Variants in NEK5 observed in about 807,000 individuals in gnomAD.
The protein encoded by NEK5 is NIMA related kinase 5.
Under a neutral mutation model 109.2 loss-of-function variants are expected in NEK5, and 88 were observed. The ratio of observed to expected loss-of-function variants is 0.81; its 90% confidence interval spans 0.68 to 0.96. NEK5 has a LOEUF of 0.96. NEK5 is among the 40% of genes least tolerant of loss of function. The pLI is 0.00. For missense variants in NEK5, 834 were observed against 920.7 expected (o/e 0.91, Z 1.22); for synonymous variants, 283 against 299.9 (o/e 0.94, Z 0.58).
chr13:52,039,819 A>T (rs1056360701), intron 23 of NEK5, among the ~76,000 whole-genome samples: 3 of 152,078 alleles, frequency 2.0e-5, no homozygotes, highest in Non-Finnish European at 2.9e-5. Flanking sequence ...AATTATAAAA[A>T]TTTTTGCTAT....
At chr13:52,117,182 G>C (rs140036807) in intron 4 of NEK5, among the ~76,000 whole-genome samples, 1 of 152,144 alleles carries the variant, frequency 6.6e-6, no homozygotes, top group African/African-American at 2.4e-5. Flanking sequence ...GCCTCCCAGG[G>C]TGCTGGGATT....
intron 14 of NEK5, among the ~76,000 whole-genome samples, chr13:52,087,905 A>T (rs188740571): frequency 6.9e-6 from 1 of 144,478 alleles, no homozygotes; most frequent in Non-Finnish European, 1.5e-5. Context: ...GATTACAGGC[A>T]TGAGCCATCA....
At chr13:52,106,548 C>T (rs1015991066) in intron 8 of NEK5, among the ~76,000 whole-genome samples, 3 of 152,034 alleles carry the variant, frequency 2.0e-5, no homozygotes, top group Admixed American at 1.3e-4. Flanking sequence ...GGCAGATCAC[C>T]TGAGGTCAAG....
chr13:52,064,549 C>T (rs569777288), intron 21 of NEK5, among the ~76,000 whole-genome samples: 1 of 150,810 alleles, frequency 6.6e-6, no homozygotes, highest in African/African-American at 2.4e-5. Flanking sequence ...AGGTGAGGGG[C>T]ACCTCTGCCC....
chr13:52,056,871 C>T (rs1475387368), intron 22 of NEK5, among the ~76,000 whole-genome samples: 2 of 151,872 alleles, frequency 1.3e-5, no homozygotes, highest in African/African-American at 4.8e-5. Context: ...GACACCCTAA[C>T]ATCATAATTA....
intron 3 of NEK5, among the ~76,000 whole-genome samples, chr13:52,124,051 T>A (rs1956020340): frequency 6.6e-6 from 1 of 152,194 alleles, no homozygotes; most frequent in South Asian, 2.1e-4. Flanking sequence ...GGCTAACACC[T>A]GTAATCCCAG....
At chr13:52,085,826 C>T (rs1566774559) in intron 16 of NEK5, among the ~76,000 whole-genome samples, 1 of 152,196 alleles carries the variant, frequency 6.6e-6, no homozygotes, top group Admixed American at 6.5e-5. Flanking sequence ...TTCAACTGCA[C>T]TCAGATTTTG....
intron 20 of NEK5, among the ~76,000 whole-genome samples, chr13:52,066,958 C>A (rs986382944): frequency 6.6e-6 from 1 of 152,140 alleles, no homozygotes; most frequent in Non-Finnish European, 1.5e-5. Context: ...ATTGGCCCAG[C>A]AGCATTTATC....
intron 22 of NEK5, among the ~76,000 whole-genome samples, chr13:52,057,204 T>C (rs1235433391): frequency 2.0e-5 from 3 of 152,040 alleles, no homozygotes; most frequent in African/African-American, 7.2e-5. Flanking sequence ...CTAGAAGACA[T>C]GGATAAATTC....
intron 12 of NEK5, among the ~76,000 whole-genome samples, chr13:52,096,297 T>C (rs1295760658): frequency 6.6e-6 from 1 of 152,072 alleles, no homozygotes; most frequent in African/African-American, 2.4e-5. Flanking sequence ...AACTGGGTAA[T>C]GGGCGGAGGT....
chr13:52,078,367 C>T (rs749292739), intron 17 of NEK5, among the ~76,000 whole-genome samples: 3 of 152,136 alleles, frequency 2.0e-5, no homozygotes, highest in East Asian at 1.9e-4. Context: ...CAACCTACAG[C>T]GACAGAAAGC....
chr13:52,074,933 C>T (rs1456798288), intron 19 of NEK5, among the ~76,000 whole-genome samples: 1 of 152,192 alleles, frequency 6.6e-6, no homozygotes, highest in African/African-American at 2.4e-5. Context: ...GACACCATCT[C>T]ACACGAGTCA....
At position 52,087,344 on chromosome 13, in the gene NEK5, C is replaced by T. The variant is rs1333460590; in HGVS notation, c.1386G>A (p.Lys462=). ...QELPFRKNEM[K]EQEYWKQLEE... ...GAATTAAACAGTTTTTAACCTGTTC[C>T]TTCATTTCGTTTTTCCTAAATGGCA... The change falls in exon 15 of 24, where the codon AAG becomes AAA. Residue 462 remains lysine (K), a synonymous_variant. Coordinates refer to ENST00000684899, the MANE Select transcript of NEK5 (RefSeq NM_001365552.1). The T allele has an allele frequency of 1.3e-6, 2 of 1,518,414 alleles. No individual in the cohort carries two copies. Among genetic ancestry groups the T allele is most frequent in the Non-Finnish European group, 1.8e-6 (2 of 1,093,594 alleles). 94.1% of individuals were successfully genotyped at this position (1,518,414 alleles called of 1,614,324 possible). A position where few individuals can be genotyped will look rare whatever the true frequency, so the allele number is the denominator to read the frequency against.
intron 23 of NEK5, among the ~76,000 whole-genome samples, chr13:52,049,772 T>C (rs1462543900): frequency 6.6e-6 from 1 of 152,210 alleles, no homozygotes; most frequent in African/African-American, 2.4e-5. Context: ...TTGGACAAGC[T>C]TGATATACTG....
chr13:52,071,922 A>G, intron 20 of NEK5, 22 bp downstream of exon 20: 1 of 1,609,818 alleles, frequency 6.2e-7, no homozygotes, highest in Non-Finnish European at 8.5e-7. Flanking sequence ...CTTCTCATTT[A>G]CAACTTTCAA....
At chr13:52,112,514 T>G (rs1257373233) in intron 4 of NEK5, 149 bp from the exon 5 acceptor site, 3 of 537,676 alleles carry the variant, frequency 5.6e-6, no homozygotes, top group Non-Finnish European at 1.0e-5. Context: ...CACTTTAACT[T>G]CTCCGTGCCT....
Position 52,108,362 on chromosome 13 carries a change from G to T in NEK5, c.510C>A (p.Tyr170Ter), listed in dbSNP as rs768156939. The stretch of plus-strand genomic sequence containing the variant: ...TATTCTGACAGATCTCTGGGGACAG[G>T]TAGTAAGGTGTTCCAATACAAGTTC... ...LARTCIGTPY[Y>*]LSPEICQNKP... The change falls in exon 8 of 24, where the codon TAC (tyrosine) becomes TAA (stop). Residue 170 changes from tyrosine (Y) to a stop codon, truncating the protein, a stop_gained. Transcript: ENST00000684899. LOFTEE classifies it high-confidence loss of function. The T allele has an allele frequency of 1.9e-6, 3 of 1,611,356 alleles. No individual in the cohort carries two copies. In the Admixed American group the frequency reaches 5.0e-5, roughly 27 times the overall value.
intron 21 of NEK5, among the ~76,000 whole-genome samples, chr13:52,063,650 A>C (rs1335185975): frequency 1.7e-5 from 2 of 116,354 alleles, no homozygotes; most frequent in Non-Finnish European, 3.8e-5. Flanking sequence ...CCGGCCACCC[A>C]TCGTCTGAGA....
intron 23 of NEK5, among the ~76,000 whole-genome samples, chr13:52,049,735 G>A (rs890301643): frequency 3.9e-5 from 6 of 152,082 alleles, no homozygotes; most frequent in Non-Finnish European, 8.8e-5. Flanking sequence ...GTGTTGGGCC[G>A]CATTCAAAGC....
Sources: allele counts gnomAD v4.1 joint callset (sites outside exome capture counted in the v4.1 genomes callset), GRCh38; gene constraint gnomAD v4.1.1; transcripts MANE v1.5; gene names NCBI Gene and HGNC (gene_info 2026-07-23, HGNC 2026-07-21).